PCDH19: variants seen among roughly 807,000 people sequenced by gnomAD.
The protein encoded by PCDH19 is protocadherin 19, also known as protocadherin-19.
Under a neutral mutation model 46.2 loss-of-function variants are expected in PCDH19, and 6 were observed. The observed-to-expected ratio is 0.13, with a 90% confidence interval of 0.07 to 0.26. The LOEUF (loss-of-function observed/expected upper bound fraction) is 0.26. PCDH19 is among the 10% of genes least tolerant of loss of function. The pLI is 1.00. For missense variants in PCDH19, 740 were observed against 972.3 expected, an observed-to-expected ratio of 0.76 and a Z score of 3.18; for synonymous variants, 481 against 415.7, an observed-to-expected ratio of 1.16 and a Z score of -1.91.
Position 100,333,189 on chromosome X carries a change from GAAAGAAAGAAAGAAAGAA to G in PCDH19, c.2848+8696_2848+8713del, listed in dbSNP as rs1569294786. Among the ~76,000 whole-genome samples, 353 of 70,895 alleles carry G rather than the reference GAAAGAAAGAAAGAAAGAA, an allele frequency of 5.0e-3. 2 individuals carry two copies. Among genetic ancestry groups the G allele is most frequent in the African/African-American group, 7.9e-3 (136 of 17,276 alleles). The allele number at this position is 70,895 out of a possible 115,157, so 61.6% of individuals were successfully genotyped here. On this transcript the variant is annotated intron_variant, in intron 5 of 5. Transcript: ENST00000373034. Reference sequence around the variant, plus strand: ...AGGAAGGAAGGGAGAGAGAGAGAAAGAAAGAAAGAAAGAAAGAAAGAAAGAAAGAAAGAAAGAAAGAAA... The same window carrying G: ...AGGAAGGAAGGGAGAGAGAGAGAAAGAGAAAGAAAGAAAGAAAGAAAGAAA...
At chrX:100,397,614 T>C (rs1215516716) in intron 3 of PCDH19, among the ~76,000 whole-genome samples, 1 of 112,244 alleles carries the variant, frequency 8.9e-6, no homozygotes, top group Non-Finnish European at 1.9e-5. Context: ...TTAAAAATAC[T>C]GCACAAAGAC....
chrX:100,381,195 T>G (rs1441080326), intron 3 of PCDH19, among the ~76,000 whole-genome samples: 1 of 112,104 alleles, frequency 8.9e-6, no homozygotes, highest in Non-Finnish European at 1.9e-5. Context: ...AGTAGGTGAC[T>G]AAACATGTAA....
intron 5 of PCDH19, among the ~76,000 whole-genome samples, chrX:100,334,939 G>A (rs892555235): frequency 2.7e-5 from 3 of 110,059 alleles, no homozygotes; most frequent in African/African-American, 6.6e-5. Flanking sequence ...ACACAATAGC[G>A]TATCTATTTA....
chrX:100,370,197 G>T, intron 3 of PCDH19, among the ~76,000 whole-genome samples: 1 of 112,390 alleles, frequency 8.9e-6, no homozygotes, highest in East Asian at 2.8e-4. Flanking sequence ...GAAATTTGGG[G>T]ACTACCAGAT....
intron 3 of PCDH19, among the ~76,000 whole-genome samples, chrX:100,376,748 T>C (rs1927399027): frequency 8.9e-6 from 1 of 111,759 alleles, no homozygotes; most frequent in South Asian, 3.7e-4. Context: ...GATTCTACAG[T>C]AAAGCATCTG....
At chrX:100,339,418 T>TG (rs1734112308) in intron 5 of PCDH19, among the ~76,000 whole-genome samples, 2 of 112,363 alleles carry the variant, frequency 1.8e-5, no homozygotes, top group African/African-American at 6.5e-5. Flanking sequence ...CATGTTACCC[T>TG]GGGACAATCT....
chrX:100,407,734 G>A lies in PCDH19; in HGVS notation c.864C>T (p.Leu288=), dbSNP rs750350919. 1 of 1,212,347 alleles carries A rather than the reference G, an allele frequency of 8.2e-7. No homozygotes were observed. Among genetic ancestry groups the A allele is most frequent in the Non-Finnish European group, 1.1e-6 (1 of 895,672 alleles). The stretch of plus-strand genomic sequence containing the variant: ...GGCCACTGTGCGGGTCGATCTGAAA[G>A]AGCTCGCGCGTGCGGTCGTTGACGT... ...YGYVNDRTRE[L]FQIDPHSGLV... Residue 288 remains leucine, a synonymous_variant, in exon 1 of 6, where the codon CTC becomes CTT. Transcript: ENST00000373034.
chrX:100,399,648 T>C lies in PCDH19; in HGVS notation c.2616+2876A>G, dbSNP rs1421778409. Among the ~76,000 whole-genome samples, 3 of 111,370 alleles carry C rather than the reference T, an allele frequency of 2.7e-5. No individual in the cohort carries two copies. The Admixed American group carries it at 2.9e-4, about 11-fold the overall frequency. ...GCAGGGCATTGTGACTGATTCAGGT[T>C]AAATGGCCTGGTCTGTATTCAGCTG... On this transcript the variant is annotated intron_variant, in intron 3 of 5. Transcript: ENST00000373034.
At chrX:100,386,340 G>A (rs906287199) in intron 3 of PCDH19, among the ~76,000 whole-genome samples, 1 of 111,298 alleles carries the variant, frequency 9.0e-6, no homozygotes, top group Non-Finnish European at 1.9e-5. Flanking sequence ...GCTTAGTAGG[G>A]CTCTCTTCAC....
intron 3 of PCDH19, among the ~76,000 whole-genome samples, chrX:100,400,984 G>C (rs894583872): frequency 1.8e-5 from 2 of 111,553 alleles, no homozygotes; most frequent in South Asian, 7.7e-4. Flanking sequence ...GACCAGCTTT[G>C]TGAGTCTGAG....
At position 100,333,001 on chromosome X, in the gene PCDH19, AAAAAAAGAAAAGAAAGAAAG is replaced by A. The variant is rs1925925225; in HGVS notation, c.2848+8882_2848+8901del. Among the ~76,000 whole-genome samples, 3 of 106,394 alleles carry A rather than the reference AAAAAAAGAAAAGAAAGAAAG, an allele frequency of 2.8e-5. No individual in the cohort carries two copies. In the South Asian group the frequency reaches 1.3e-3, roughly 46 times the overall value. The allele number at this position is 106,394 out of a possible 115,157, so 92.4% of individuals were successfully genotyped here. ...TGGGTGACAGAGTGAGACCCATCTC[AAAAAAAGAAAAGAAAGAAAG>A]AAAAAAGAAAAGAAAAGAAAGGAGG... On this transcript the variant is annotated intron_variant, in intron 5 of 5. Coordinates refer to ENST00000373034, the MANE Select transcript of PCDH19 (RefSeq NM_001184880.2).
rs200583203 is a variant in PCDH19 at position 100,384,413 on chromosome X, CCT to C, written c.2616+18109_2616+18110del. Reference sequence around the variant, plus strand: ...GAAACTAATAATTCTCCTTCCCACCCCTGTCCCCTATCCTCTTATTGGCCATT... The same window carrying C: ...GAAACTAATAATTCTCCTTCCCACCCGTCCCCTATCCTCTTATTGGCCATT... On this transcript the variant is annotated intron_variant, in intron 3 of 5. Transcript: ENST00000373034. 4.3e-3 allele frequency among the ~76,000 whole-genome samples: 478 copies of C among 110,917 alleles called. 5 individuals carry two copies. Among genetic ancestry groups the C allele is most frequent in the African/African-American group, 0.015 (450 of 30,541 alleles).
At chrX:100,359,981 A>C (rs762249703) in intron 3 of PCDH19, among the ~76,000 whole-genome samples, 2 of 111,138 alleles carry the variant, frequency 1.8e-5, no homozygotes, top group Admixed American at 1.9e-4. Flanking sequence ...CTATTATATC[A>C]GTGCCTCAGT....
chrX:100,322,865 A>ATATATATTTTTTTT lies in PCDH19; in HGVS notation c.2848+19037_2848+19038insAAAAAAAATATATA. Among the ~76,000 whole-genome samples the ATATATATTTTTTTT allele has an allele frequency of 2.2e-3, 118 of 54,380 alleles. 1 individual carries two copies. The highest frequency in any genetic ancestry group is 3.0e-3 in the Non-Finnish European group (92 of 30,175). The allele number at this position is 54,380 out of a possible 115,157, so 47.2% of individuals were successfully genotyped here. A position where few individuals can be genotyped will look rare whatever the true frequency, so the allele number is the denominator to read the frequency against. On this transcript the variant is annotated intron_variant, in intron 5 of 5. Transcript: ENST00000373034. The stretch of plus-strand genomic sequence containing the variant: ...TATATATATATATATATATATATAT[A>ATATATATTTTTTTT]TTTTTGCAGCTATTGTAAAAGGGGT...
rs1295239065 is a variant in PCDH19 at position 100,292,910 on chromosome X, T to C, written c.*3367A>G. 1 of 111,645 alleles carries C rather than the reference T, an allele frequency of 9.0e-6. No individual in the cohort carries two copies. The highest frequency in any genetic ancestry group is 9.5e-5 in the Admixed American group (1 of 10,513). 9.2% of individuals were successfully genotyped at this position (111,645 alleles called of 1,213,427 possible). A position where few individuals can be genotyped will look rare whatever the true frequency, so the allele number is the denominator to read the frequency against. ...ATCAAAATGATCCCCAGAAAGTGGATTGGAATTCCAGCCAGAACTGCTATT... is the reference window on the plus strand; with the variant it reads ...ATCAAAATGATCCCCAGAAAGTGGACTGGAATTCCAGCCAGAACTGCTATT... On this transcript the variant is annotated 3_prime_UTR_variant, in exon 6 of 6. Coordinates refer to ENST00000373034, the MANE Select transcript of PCDH19 (RefSeq NM_001184880.2).
At chrX:100,367,938 C>T (rs1169125266) in intron 3 of PCDH19, among the ~76,000 whole-genome samples, 1 of 110,977 alleles carries the variant, frequency 9.0e-6, no homozygotes, top group Admixed American at 9.6e-5. Context: ...GTTTGCTTCT[C>T]TCTAGCTGTG....
At chrX:100,332,514 C>CA (rs749901973) in intron 5 of PCDH19, among the ~76,000 whole-genome samples, 2,132 of 48,805 alleles carry the variant, frequency 0.044, 60 homozygotes, top group African/African-American at 0.12. Flanking sequence ...AACCCCGTCT[C>CA]AAAAAAAAAA....
chrX:100,323,263 A>G (rs1457969437), intron 5 of PCDH19, among the ~76,000 whole-genome samples: 3 of 111,120 alleles, frequency 2.7e-5, no homozygotes, highest in Non-Finnish European at 5.7e-5. Flanking sequence ...CTTCCATCTC[A>G]TAGTAATACT....
chrX:100,307,923 G>T lies in PCDH19; in HGVS notation c.2849-11048C>A, dbSNP rs1407688068. Among the ~76,000 whole-genome samples, 4 of 111,471 alleles carry T rather than the reference G, an allele frequency of 3.6e-5. No individual in the cohort carries two copies. In the East Asian group the frequency reaches 1.1e-3, roughly 31 times the overall value. On this transcript the variant is annotated intron_variant, in intron 5 of 5. Coordinates refer to ENST00000373034, the MANE Select transcript of PCDH19 (RefSeq NM_001184880.2). ...ACAAACCAATGGAACCATATCCCAT[G>T]CTCATGGAGGGGTAGAATCAATATT...
Sources: gnomAD v4.1 joint callset for allele counts (sites outside exome capture counted in the v4.1 genomes callset) on GRCh38, gnomAD v4.1.1 for gene constraint, MANE v1.5 for transcripts, NCBI Gene and HGNC (gene_info 2026-07-23, HGNC 2026-07-21) for gene names.